Variants in DEFB131A observed in about 807,000 individuals in gnomAD.
The protein encoded by DEFB131A is defensin beta 131A.
A neutral mutation model predicts 2.4 loss-of-function variants in DEFB131A; 5 were observed. The ratio of observed to expected loss-of-function variants is 2.12; its 90% CI spans 1.11 to 4.47. The LOEUF is 4.47. DEFB131A is among the 30% of genes most tolerant of loss of function. The pLI is 0.00. For missense variants in DEFB131A, 120 were observed against 79.9 expected, an observed-to-expected ratio of 1.50 and a Z score of -1.91; for synonymous variants, 34 against 25.7, an observed-to-expected ratio of 1.32 and a Z score of -0.97.
rs1262796694 is a variant in DEFB131A at position 9,450,424 on chromosome 4, T to G, written c.123T>G (p.Asn41Lys). 6.2e-7 allele frequency: 1 copy of G among 1,609,596 alleles called. No homozygotes were observed. Among genetic ancestry groups the G allele is most frequent in the African/African-American group, 1.3e-5 (1 of 74,836 alleles). The change falls in exon 2 of 2, where the codon AAT becomes AAG. Residue 41 changes from asparagine (N) to lysine (K), a missense_variant. Asn to Lys is a moderately conservative substitution (Grantham distance 94, BLOSUM62 0). Transcript: ENST00000334879. ...SEYYHCRLKC[N>K]ADEHAIRYCA... The stretch of plus-strand genomic sequence containing the variant: ...ATTATCATTGCAGACTGAAGTGCAA[T>G]GCTGATGAACATGCAATTAGATACT...
Position 9,444,520 on chromosome 4 carries a change from T to A in DEFB131A, c.-14T>A, listed in dbSNP as rs2108836354. The A allele has an allele frequency of 1.2e-6, 2 of 1,611,516 alleles. No homozygotes were observed. Among genetic ancestry groups the A allele is most frequent in the East Asian group, 4.5e-5 (2 of 44,854 alleles). On this transcript the variant is annotated 5_prime_UTR_variant, in exon 1 of 2. Transcript: ENST00000334879. Reference sequence around the variant, plus strand: ...AGCTACTGATTCTCTCTAACCTGCTTTACCTATTCAACCATGAGGGTCTTG... The same window carrying A: ...AGCTACTGATTCTCTCTAACCTGCTATACCTATTCAACCATGAGGGTCTTG...
chr4:9,449,064 C>T (rs1241698640), intron 1 of DEFB131A, among the ~76,000 whole-genome samples: 3 of 151,250 alleles, frequency 2.0e-5, no homozygotes, highest in East Asian at 3.9e-4. Context: ...CACTGGAAAG[C>T]AAGTAAAGAA....
At chr4:9,445,081 A>C (rs530678379) in intron 1 of DEFB131A, among the ~76,000 whole-genome samples, 2 of 152,256 alleles carry the variant, frequency 1.3e-5, no homozygotes, top group Admixed American at 6.5e-5. Flanking sequence ...CCCTGTCTCA[A>C]AAAATAATAA....
intron 1 of DEFB131A, among the ~76,000 whole-genome samples, chr4:9,446,613 T>A (rs921898543): frequency 2.1e-4 from 32 of 152,084 alleles, no homozygotes; most frequent in African/African-American, 7.5e-4. Flanking sequence ...ATTTTTATTA[T>A]TTCTTTCCTT....
chr4:9,447,902 TA>T (rs1274843660), intron 1 of DEFB131A, among the ~76,000 whole-genome samples: 1 of 151,742 alleles, frequency 6.6e-6, no homozygotes, highest in African/African-American at 2.4e-5. Flanking sequence ...TTCCAAAACT[TA>T]AAAGCAAAGA....
chr4:9,446,811 T>A (rs2108837332), intron 1 of DEFB131A, among the ~76,000 whole-genome samples: 1 of 152,272 alleles, frequency 6.6e-6, no homozygotes, highest in South Asian at 2.1e-4. Flanking sequence ...TTCAAGAACA[T>A]TTGTTATTTT....
At chr4:9,446,777 T>C (rs895437820) in intron 1 of DEFB131A, among the ~76,000 whole-genome samples, 1 of 152,144 alleles carries the variant, frequency 6.6e-6, no homozygotes, top group Non-Finnish European at 1.5e-5. Flanking sequence ...GGTTTTGGTA[T>C]GTTGTGTTTC....
chr4:9,447,064 C>T (rs1399425536), intron 1 of DEFB131A, among the ~76,000 whole-genome samples: 1 of 152,062 alleles, frequency 6.6e-6, no homozygotes, highest in Non-Finnish European at 1.5e-5. Flanking sequence ...TACTCCACAG[C>T]TATTGGATGA....
At chr4:9,447,111 G>A (rs1717523959) in intron 1 of DEFB131A, among the ~76,000 whole-genome samples, 1 of 152,134 alleles carries the variant, frequency 6.6e-6, no homozygotes, top group African/African-American at 2.4e-5. Flanking sequence ...TATTTGGTCT[G>A]CGGTACAGAT....
intron 1 of DEFB131A, among the ~76,000 whole-genome samples, chr4:9,448,437 C>A (rs753204048): frequency 2.6e-5 from 4 of 152,104 alleles, no homozygotes; most frequent in Non-Finnish European, 4.4e-5. Context: ...GCAGCCTCTG[C>A]CTCCTGGGTC....
At chr4:9,447,066 A>G (rs1717522828) in intron 1 of DEFB131A, among the ~76,000 whole-genome samples, 1 of 152,108 alleles carries the variant, frequency 6.6e-6, no homozygotes, top group Admixed American at 6.6e-5. Context: ...CTCCACAGCT[A>G]TTGGATGAAG....
intron 1 of DEFB131A, among the ~76,000 whole-genome samples, chr4:9,449,750 T>G (rs1384698570): frequency 6.6e-6 from 1 of 152,060 alleles, no homozygotes; most frequent in African/African-American, 2.4e-5. Flanking sequence ...TCTCAGTAAC[T>G]TTCTCAATAA....
chr4:9,447,474 A>C (rs1717531403), intron 1 of DEFB131A, among the ~76,000 whole-genome samples: 1 of 152,164 alleles, frequency 6.6e-6, no homozygotes, highest in African/African-American at 2.4e-5. Flanking sequence ...GGGTGCCTTA[A>C]ATAACAAAAG....
chr4:9,445,661 C>T (rs929216506), intron 1 of DEFB131A, among the ~76,000 whole-genome samples: 2 of 151,844 alleles, frequency 1.3e-5, no homozygotes, highest in African/African-American at 2.4e-5. Flanking sequence ...TATGCCTTTC[C>T]TCCATGAATG....
In DEFB131A at chr4:9,450,629, T is replaced by C; in HGVS notation, c.*115T>C. 4.3e-6 allele frequency: 6 copies of C among 1,393,150 alleles called. No individual in the cohort carries two copies. The highest frequency in any genetic ancestry group is 5.8e-6 in the Non-Finnish European group (6 of 1,026,820). 86.3% of individuals were successfully genotyped at this position (1,393,150 alleles called of 1,614,324 possible). On this transcript the variant is annotated 3_prime_UTR_variant, in exon 2 of 2. Transcript: ENST00000334879. ...TTATTATAATTGCATGTTTAGATGG[T>C]CAGGTGAAAATGAATATAAATTTTA...
chr4:9,449,599 G>C (rs1457437225), intron 1 of DEFB131A, among the ~76,000 whole-genome samples: 1 of 151,614 alleles, frequency 6.6e-6, no homozygotes, highest in African/African-American at 2.4e-5. Context: ...ACTTATAGAA[G>C]AAAACATAAG....
At chr4:9,447,240 G>T (rs1330407538) in intron 1 of DEFB131A, among the ~76,000 whole-genome samples, 6 of 152,196 alleles carry the variant, frequency 3.9e-5, no homozygotes, top group Admixed American at 1.3e-4. Flanking sequence ...TAGCTCTAAT[G>T]ACATTTTTAA....
chr4:9,447,981 T>C (rs1036861412), intron 1 of DEFB131A, among the ~76,000 whole-genome samples: 3 of 152,078 alleles, frequency 2.0e-5, no homozygotes, highest in Admixed American at 6.6e-5. Flanking sequence ...AATATATGTG[T>C]AATGAAATAT....
chr4:9,447,100 C>G (rs4583761), intron 1 of DEFB131A, among the ~76,000 whole-genome samples: 2 of 152,064 alleles, frequency 1.3e-5, no homozygotes, highest in Non-Finnish European at 2.9e-5. Flanking sequence ...TCTGTTAAGT[C>G]TATTTGGTCT....
Sources: gnomAD v4.1 joint callset for allele counts (sites outside exome capture counted in the v4.1 genomes callset) on GRCh38, gnomAD v4.1.1 for gene constraint, MANE v1.5 for transcripts, NCBI Gene and HGNC (gene_info 2026-07-23, HGNC 2026-07-21) for gene names.